Variants in TEAD4 observed in about 807,000 individuals in gnomAD.
TEAD4 encodes TEA domain transcription factor 4.
In TEAD4, 36 loss-of-function variants were observed where a neutral mutation model predicts 52.4. That is an observed-to-expected ratio of 0.69 (90% confidence interval 0.53 to 0.91). The LOEUF (loss-of-function observed/expected upper bound fraction) is 0.91. Ranked by LOEUF, TEAD4 falls within the 40% of genes least tolerant of loss-of-function variation. The pLI is 0.00. For missense variants in TEAD4, 508 were observed against 583.9 expected, an observed-to-expected ratio of 0.87 and a Z score of 1.34; for synonymous variants, 220 against 231.0, an observed-to-expected ratio of 0.95 and a Z score of 0.43.
chr12:3,027,245 C>G (rs996683346), intron 10 of TEAD4, among the ~76,000 whole-genome samples: 1 of 152,032 alleles, frequency 6.6e-6, no homozygotes, highest in African/African-American at 2.4e-5. Context: ...GATTTACAGG[C>G]GTGAGCCACC....
At chr12:3,023,222 GA>G (rs2098269869) in intron 10 of TEAD4, among the ~76,000 whole-genome samples, 1 of 152,182 alleles carries the variant, frequency 6.6e-6, no homozygotes, top group Admixed American at 6.5e-5. Flanking sequence ...GCAGAGATGG[GA>G]AAGGCTGTTG....
intron 2 of TEAD4, among the ~76,000 whole-genome samples, chr12:2,974,414 G>A (rs55861370): frequency 0.05 from 7,550 of 152,290 alleles, 204 homozygotes; most frequent in South Asian, 0.075. Flanking sequence ...CCAAGGCCAG[G>A]ATGGATGCCG....
rs2098281735 is a variant in TEAD4 at position 3,040,046 on chromosome 12, G to A, written c.1039-61G>A. 4 of 1,596,996 alleles carry A rather than the reference G, an allele frequency of 2.5e-6. No homozygotes were observed. In the Admixed American group the frequency reaches 6.8e-5, roughly 27 times the overall value. On this transcript the variant is annotated intron_variant, in intron 11 of 12. Transcript: ENST00000359864. ...TCTGCCTTTCCTTCCCGTGGAGTTGGGTCTGGGCTGGAGGTGGTCAGAATG... is the reference window on the plus strand; with the variant it reads ...TCTGCCTTTCCTTCCCGTGGAGTTGAGTCTGGGCTGGAGGTGGTCAGAATG...
At chr12:3,002,184 C>T (rs536615121) in intron 3 of TEAD4, among the ~76,000 whole-genome samples, 3 of 152,274 alleles carry the variant, frequency 2.0e-5, no homozygotes, top group African/African-American at 7.2e-5. Flanking sequence ...CATGTTGTAG[C>T]GTGTTTCAGA....
intron 10 of TEAD4, among the ~76,000 whole-genome samples, chr12:3,037,435 G>A (rs1334605040): frequency 6.6e-6 from 1 of 152,142 alleles, no homozygotes; most frequent in African/African-American, 2.4e-5. Flanking sequence ...AGGGAGCATC[G>A]ATCAGGTCTC....
intron 2 of TEAD4, among the ~76,000 whole-genome samples, chr12:2,982,822 C>T (rs962275972): frequency 6.6e-6 from 1 of 152,190 alleles, no homozygotes; most frequent in East Asian, 1.9e-4. Flanking sequence ...AAACCCCACT[C>T]GTGGGGCAGG....
At chr12:3,036,960 G>C (rs1463440136) in intron 10 of TEAD4, among the ~76,000 whole-genome samples, 1 of 152,146 alleles carries the variant, frequency 6.6e-6, no homozygotes, top group African/African-American at 2.4e-5. Flanking sequence ...GTTGGGCAAG[G>C]CTAACAGTCA....
rs542942914 is a variant in TEAD4 at position 3,003,761 on chromosome 12, G to A, written c.227-7243G>A. On this transcript the variant is annotated intron_variant, in intron 3 of 12. Transcript: ENST00000359864. The stretch of plus-strand genomic sequence containing the variant: ...TCCCATCCCCACCCAGGCCGGCCCT[G>A]GGGTTGGCCGAGGCCACCTGCCACG... 5.3e-5 allele frequency among the ~76,000 whole-genome samples: 8 copies of A among 152,272 alleles called. No individual in the cohort carries two copies. In the South Asian group the frequency reaches 1.5e-3, roughly 28 times the overall value.
intron 2 of TEAD4, among the ~76,000 whole-genome samples, chr12:2,966,576 A>G (rs1192199183): frequency 2.0e-5 from 3 of 150,454 alleles, no homozygotes; most frequent in Non-Finnish European, 3.0e-5. Context: ...ATGCCCAGCT[A>G]ATTTTTTTGT....
chr12:2,961,414 G>A (rs192650718), intron 2 of TEAD4, among the ~76,000 whole-genome samples: 60 of 152,054 alleles, frequency 3.9e-4, no homozygotes, highest in African/African-American at 1.4e-3. Flanking sequence ...GGGGGTTGGG[G>A]GTTCTCGTCC....
At chr12:2,996,389 T>A (rs1440377515) in intron 3 of TEAD4, among the ~76,000 whole-genome samples, 2 of 151,928 alleles carry the variant, frequency 1.3e-5, no homozygotes, top group African/African-American at 4.8e-5. Flanking sequence ...GCTTATTTTT[T>A]CCTTTTTCTT....
chr12:3,003,787 T>C (rs940707343), intron 3 of TEAD4, among the ~76,000 whole-genome samples: 4 of 152,154 alleles, frequency 2.6e-5, no homozygotes. Context: ...ACCTGCCACG[T>C]TGCAATGCGC....
chr12:2,995,348 C>T (rs1417894460), intron 3 of TEAD4, among the ~76,000 whole-genome samples: 1 of 152,100 alleles, frequency 6.6e-6, no homozygotes, highest in African/African-American at 2.4e-5. Context: ...GAAGGATGCT[C>T]ACTCATCCCC....
chr12:2,983,267 T>G (rs1233193043), intron 2 of TEAD4, among the ~76,000 whole-genome samples: 1 of 152,182 alleles, frequency 6.6e-6, no homozygotes, highest in Non-Finnish European at 1.5e-5. Flanking sequence ...AAATAGCTCT[T>G]ATGAGCACTG....
chr12:2,988,686 G>A (rs977291065), intron 2 of TEAD4, among the ~76,000 whole-genome samples: 1 of 152,146 alleles, frequency 6.6e-6, no homozygotes, highest in African/African-American at 2.4e-5. Context: ...CAAAGGGCAG[G>A]ATTAGAGGGG....
intron 2 of TEAD4, among the ~76,000 whole-genome samples, chr12:2,962,545 G>A (rs767302026): frequency 6.6e-6 from 1 of 151,726 alleles, no homozygotes; most frequent in Non-Finnish European, 1.5e-5. Flanking sequence ...ATGTTGGTCA[G>A]GCTGGTCTCC....
intron 2 of TEAD4, among the ~76,000 whole-genome samples, chr12:2,971,456 T>A (rs906836160): frequency 6.6e-6 from 1 of 152,042 alleles, no homozygotes; most frequent in African/African-American, 2.4e-5. Flanking sequence ...GGTTTTATTT[T>A]TATTTTTATT....
intron 10 of TEAD4, among the ~76,000 whole-genome samples, chr12:3,026,168 T>C (rs1591595962): frequency 6.6e-6 from 1 of 152,378 alleles, no homozygotes; most frequent in Non-Finnish European, 1.5e-5. Context: ...ATCTCTGTTA[T>C]GATGTTGGAA....
At chr12:2,985,165 A>G (rs1412371068) in intron 2 of TEAD4, among the ~76,000 whole-genome samples, 1 of 152,142 alleles carries the variant, frequency 6.6e-6, no homozygotes, top group Admixed American at 6.5e-5. Context: ...CGGGTGGATC[A>G]CGAGGTCAGG....
Sources: gnomAD v4.1 joint callset for allele counts (sites outside exome capture counted in the v4.1 genomes callset) on GRCh38, gnomAD v4.1.1 for gene constraint, MANE v1.5 for transcripts, NCBI Gene and HGNC (gene_info 2026-07-23, HGNC 2026-07-21) for gene names.